EEF2: variants seen among roughly 807,000 people sequenced by gnomAD.
EEF2 encodes the protein eukaryotic translation elongation factor 2.
In EEF2, 21 loss-of-function variants were observed where a neutral mutation model predicts 85.3. The observed-to-expected ratio is 0.25, with a 90% CI of 0.17 to 0.35. The LOEUF (loss-of-function observed/expected upper bound fraction) is 0.35. Among genes scored for constraint, EEF2 ranks in the 10% least tolerant of loss-of-function variants. The probability of loss-of-function intolerance (pLI) is 1.00; values close to 1 mark genes in which losing one functional copy is unlikely to be tolerated. For missense variants in EEF2, 825 were observed against 1,225.3 expected, an observed-to-expected ratio of 0.67 and a Z score of 4.88; for synonymous variants, 723 against 508.8, an observed-to-expected ratio of 1.42 and a Z score of -5.67.
intron 11 of EEF2, 91 bp downstream of exon 11, chr19:3,979,238 G>T (rs574724862): frequency 3.1e-6 from 3 of 971,668 alleles, no homozygotes; most frequent in African/African-American, 1.6e-5. Context: ...ATCAAGTCTA[G>T]GCGTCTGCAG....
Position 3,979,273 on chromosome 19 carries a change from G to A in EEF2, c.1713+56C>T, listed in dbSNP as rs368049916. 1.3e-5 allele frequency: 19 copies of A among 1,417,152 alleles called. No individual in the cohort carries two copies. The East Asian group carries it at 2.1e-4, about 15-fold the overall frequency. The allele number at this position is 1,417,152 out of a possible 1,614,324, so 87.8% of individuals were successfully genotyped here. On this transcript the variant is annotated intron_variant, in intron 11 of 14. Transcript: ENST00000309311. Reference sequence around the variant, plus strand: ...GAGCCTAGCTCAGCTCAGCTTTAAAGCAGAGGGCAGGTGTCCGGGGTGGGG... The same window carrying A: ...GAGCCTAGCTCAGCTCAGCTTTAAAACAGAGGGCAGGTGTCCGGGGTGGGG...
intron 9 of EEF2, among the ~76,000 whole-genome samples, 161 bp downstream of exon 9, chr19:3,980,353 G>A (rs917526317): frequency 2.0e-5 from 3 of 152,254 alleles, no homozygotes; most frequent in Non-Finnish European, 2.9e-5. Flanking sequence ...CTCCAGAAAT[G>A]CCCTCACTGG....
chr19:3,976,507 T>TGGGTGCTGC lies in EEF2; in HGVS notation c.*38_*46dup, dbSNP rs1429646249. On this transcript the variant is annotated 3_prime_UTR_variant, in exon 15 of 15. Transcript: ENST00000309311. ...CTGAGAATTCGAGGACGTGGTGCTG[T>TGGGTGCTGC]GGGTGCTGCGAGTCCCCGGGGCGGC... 1.3e-6 allele frequency: 2 copies of TGGGTGCTGC among 1,557,918 alleles called. No homozygotes were observed. Among genetic ancestry groups the TGGGTGCTGC allele is most frequent in the Admixed American group, 1.9e-5 (1 of 52,624 alleles).
intron 11 of EEF2, among the ~76,000 whole-genome samples, chr19:3,978,488 G>A (rs533335308): frequency 1.8e-4 from 28 of 152,206 alleles, no homozygotes; most frequent in Admixed American, 8.5e-4. Context: ...TTTGTGGACA[G>A]AAGACAGCAG....
intron 11 of EEF2, 98 bp downstream of exon 11, chr19:3,979,231 A>G: frequency 1.1e-6 from 1 of 893,248 alleles, no homozygotes; most frequent in Non-Finnish European, 1.8e-6. Flanking sequence ...GACCGAGATC[A>G]AGTCTAGGCG....
Position 3,977,527 on chromosome 19 carries a change from T to C in EEF2, c.2151A>G (p.Gly717=), listed in dbSNP as rs1384715544. The C allele has an allele frequency of 6.3e-7, 1 of 1,590,062 alleles. No individual in the cohort carries two copies. The highest frequency in any genetic ancestry group is 8.5e-7 in the Non-Finnish European group (1 of 1,173,884). Residue 717 remains glycine (G), a synonymous_variant, in exon 13 of 15, where the codon GGA becomes GGG. Coordinates refer to ENST00000309311, the MANE Select transcript of EEF2 (RefSeq NM_001961.4). The surrounding 1 kb of genome is among the most constrained non-coding windows in gnomAD (Gnocchi z 5.4). ...VTLHADAIHR[G]GGQIIPTARR... ...GTGCTGTGGGGATGATCTGGCCCCC[T>C]CCGCGGTGGATGGCGTCGGCGTGCA...
chr19:3,979,585 A>C (rs1463012332), intron 10 of EEF2, 149 bp from the exon 11 acceptor site: 1 of 921,966 alleles, frequency 1.1e-6, no homozygotes, highest in Non-Finnish European at 1.6e-6. Context: ...CTCCTGAAGA[A>C]ATGTTAAGTC....
rs2039687047 is a variant in EEF2 at position 3,977,013 on chromosome 19, T to C, written c.2383+202A>G. ...CAGAGCTCCAGGCCCAGAGCCCTTC[T>C]CACACTGGGGATAGGAGAGCCCCTC... On this transcript the variant is annotated intron_variant, in intron 14 of 14. Transcript: ENST00000309311. This position sits in a 1 kb window ranked among gnomAD's most constrained non-coding sequence, Gnocchi z 5.4. Among the ~76,000 whole-genome samples, 1 of 152,206 alleles carries C rather than the reference T, an allele frequency of 6.6e-6. No homozygotes were observed. The highest frequency in any genetic ancestry group is 1.5e-5 in the Non-Finnish European group (1 of 68,022).
intron 5 of EEF2, 96 bp downstream of exon 5, chr19:3,982,150 G>A (rs1316629135): frequency 6.3e-7 from 1 of 1,597,206 alleles, no homozygotes; most frequent in East Asian, 2.2e-5. Flanking sequence ...AGACCTGGTG[G>A]GCTTGAGCCA....
chr19:3,981,876 A>T (rs954801870), intron 6 of EEF2, 71 bp downstream of exon 6: 2 of 1,418,286 alleles, frequency 1.4e-6, no homozygotes, highest in African/African-American at 2.8e-5. Context: ...CCGACAGGCT[A>T]CCGGCCGGAG....
Position 3,976,547 on chromosome 19 carries a change from G to C in EEF2, c.*7C>G, listed in dbSNP as rs112052868. On this transcript the variant is annotated 3_prime_UTR_variant, in exon 15 of 15. Transcript: ENST00000309311. ...CCCGGGGCGGCAGGCGCTGCAGGAA[G>C]GGCCGCCTACAATTTGTCCAGGAAG... 18 of 1,599,782 alleles carry C rather than the reference G, an allele frequency of 1.1e-5. No individual in the cohort carries two copies. The African/African-American group carries it at 1.5e-4, about 13-fold the overall frequency.
intron 11 of EEF2, among the ~76,000 whole-genome samples, chr19:3,978,721 T>G (rs2039706910): frequency 7.3e-6 from 1 of 136,948 alleles, no homozygotes; most frequent in African/African-American, 2.8e-5. Flanking sequence ...GAGAATGGCG[T>G]GAACCTGGGA....
Position 3,978,190 on chromosome 19 carries a change from G to A in EEF2, c.1714-18C>T, listed in dbSNP as rs1184231382. The A allele has an allele frequency of 2.8e-6, 4 of 1,439,086 alleles. No individual in the cohort carries two copies. The highest frequency in any genetic ancestry group is 1.5e-5 in the South Asian group (1 of 64,870). The allele number at this position is 1,439,086 out of a possible 1,614,324, so 89.1% of individuals were successfully genotyped here. A position where few individuals can be genotyped will look rare whatever the true frequency, so the allele number is the denominator to read the frequency against. The stretch of plus-strand genomic sequence containing the variant: ...TCAGATTTCTGCAAAAAGAGGTTAA[G>A]TCCCACTCTTGCCTGGAGAAAGAGG... On this transcript the variant is annotated intron_variant, in intron 11 of 14. Coordinates refer to ENST00000309311, the MANE Select transcript of EEF2 (RefSeq NM_001961.4).
intron 11 of EEF2, among the ~76,000 whole-genome samples, chr19:3,978,831 A>AAAAAAAAAAG (rs1568199563): frequency 2.3e-5 from 3 of 131,884 alleles, no homozygotes; most frequent in Non-Finnish European, 4.8e-5. Context: ...AAAAAAAAAA[A>AAAAAAAAAAG]TAGCCCTGGG....
rs142614923 is a variant in EEF2, at chr19:3,978,529, G to A, written c.1714-357C>T. Among the ~76,000 whole-genome samples the A allele has an allele frequency of 9.4e-4, 143 of 152,314 alleles. 4 individuals carry two copies. The East Asian group carries it at 0.018, about 19-fold the overall frequency. On this transcript the variant is annotated intron_variant, in intron 11 of 14. Coordinates refer to ENST00000309311, the MANE Select transcript of EEF2 (RefSeq NM_001961.4). ...AACTCAAAAACTGCCCCGGAGGCCG[G>A]GCGTGGTGGCTCACGCCTGTAATCC...
chr19:3,978,092 C>A lies in EEF2; in HGVS notation c.1794G>T (p.Lys598Asn). Residue 598 changes from lysine (K) to asparagine (N), a missense_variant, in exon 12 of 15, where the codon AAG (lysine) becomes AAT (asparagine). By Grantham distance (94) the Lys-to-Asn change is moderately conservative. Transcript: ENST00000309311. ...NVLCLSKSPN[K>N]HNRLYMKARP... Reference sequence around the variant, plus strand: ...GCGCCTTCATGTACAGCCGGTTGTGCTTGTTGGGGGACTTGGAGAGGCAGA... The same window carrying A: ...GCGCCTTCATGTACAGCCGGTTGTGATTGTTGGGGGACTTGGAGAGGCAGA... 1 of 1,540,492 alleles carries A rather than the reference C, an allele frequency of 6.5e-7. No homozygotes were observed.
chr19:3,980,417 C>T (rs2039730938), intron 9 of EEF2, 97 bp downstream of exon 9: 2 of 1,416,532 alleles, frequency 1.4e-6, no homozygotes, highest in East Asian at 2.3e-5. Flanking sequence ...TCCTTCTATG[C>T]TCCTTACTTC....
chr19:3,977,777 C>A lies in EEF2; in HGVS notation c.2067+42G>T, dbSNP rs1395594707. 1 of 1,528,506 alleles carries A rather than the reference C, an allele frequency of 6.5e-7. No individual in the cohort carries two copies. Among genetic ancestry groups the A allele is most frequent in the East Asian group, 2.3e-5 (1 of 43,852 alleles). 94.7% of individuals were successfully genotyped at this position (1,528,506 alleles called of 1,614,324 possible). On this transcript the variant is annotated intron_variant, in intron 12 of 14. Coordinates refer to ENST00000309311, the MANE Select transcript of EEF2 (RefSeq NM_001961.4). This position sits in a 1 kb window ranked among gnomAD's most constrained non-coding sequence, Gnocchi z 5.4. ...CAGGACCATGAGGTCCCTCTAGAGC[C>A]TGGAAACGGGTGTGGTCTGCACATG...
intron 11 of EEF2, among the ~76,000 whole-genome samples, 156 bp from the exon 12 acceptor site, chr19:3,978,328 G>A (rs753724645): frequency 6.6e-6 from 1 of 152,142 alleles, no homozygotes; most frequent in Admixed American, 6.5e-5. Context: ...GCAGTGCCAA[G>A]CGCATCTCAC....
Sources: allele counts gnomAD v4.1 joint callset (sites outside exome capture counted in the v4.1 genomes callset), GRCh38; gene constraint gnomAD v4.1.1; non-coding constraint Gnocchi (gnomAD v3.1); transcripts MANE v1.5; gene names NCBI Gene and HGNC (gene_info 2026-07-23, HGNC 2026-07-21).